Variants in CEP250 observed in about 807,000 individuals in gnomAD.
The protein encoded by CEP250 is centrosome-associated protein CEP250.
CEP250 carries 242 observed loss-of-function variants against 315.7 expected under a neutral mutation model. The ratio of observed to expected loss-of-function variants is 0.77; its 90% confidence interval spans 0.69 to 0.85. The LOEUF is 0.85. Ranked by LOEUF, CEP250 falls within the 40% of genes least tolerant of loss-of-function variation. The probability of loss-of-function intolerance (pLI) is 0.00; values close to 1 mark genes in which losing one functional copy is unlikely to be tolerated. For synonymous variants in CEP250, 1,088 were observed against 1,175.0 expected (o/e 0.93, Z 1.51); for missense variants, 2,515 against 2,886.4 (o/e 0.87, Z 2.95).
intron 2 of CEP250, among the ~76,000 whole-genome samples, chr20:35,459,626 GA>G (rs58153317): frequency 0.15 from 21,052 of 137,026 alleles, 1,974 homozygotes; most frequent in African/African-American, 0.29. Flanking sequence ...CTCTACCAAA[GA>G]AAAAAAAAAA....
At chr20:35,468,396 AC>A (rs2062943432) in intron 9 of CEP250, among the ~76,000 whole-genome samples, 1 of 151,972 alleles carries the variant, frequency 6.6e-6, no homozygotes, top group African/African-American at 2.4e-5. Context: ...AGGCTGTTTT[AC>A]TTTTTGGATT....
intron 20 of CEP250, among the ~76,000 whole-genome samples, chr20:35,490,216 G>A (rs1361179190): frequency 6.6e-6 from 1 of 152,090 alleles, no homozygotes; most frequent in South Asian, 2.1e-4. Flanking sequence ...GGGAGGCTGA[G>A]ACAGGAGAAT....
chr20:35,496,215 C>T (rs143871275), intron 24 of CEP250, among the ~76,000 whole-genome samples: 3,393 of 152,024 alleles, frequency 0.022, 143 homozygotes, highest in African/African-American at 0.077. Flanking sequence ...CGCATGCCTG[C>T]AATCCCAGCT....
intron 21 of CEP250, 55 bp downstream of exon 21, chr20:35,490,859 G>T: frequency 5.1e-6 from 8 of 1,581,270 alleles, no homozygotes; most frequent in South Asian, 1.1e-5. Flanking sequence ...TCCTTACCTT[G>T]ACCACTTCCT....
At chr20:35,461,363 A>G (rs2146661901) in intron 3 of CEP250, among the ~76,000 whole-genome samples, 1 of 151,178 alleles carries the variant, frequency 6.6e-6, no homozygotes, top group African/African-American at 2.4e-5. Flanking sequence ...CACAGAGCCC[A>G]TTGGAGGCAG....
At chr20:35,477,263 G>A (rs148847980) in intron 16 of CEP250, among the ~76,000 whole-genome samples, 2,445 of 152,264 alleles carry the variant, frequency 0.016, 28 homozygotes, top group Middle Eastern at 0.058. Context: ...ACCTGCCTCA[G>A]CCTCCCAAAG....
At chr20:35,499,943 C>A (rs1007281430) in intron 27 of CEP250, 106 bp from the exon 28 acceptor site, 53 of 1,446,208 alleles carry the variant, frequency 3.7e-5, no homozygotes, top group Non-Finnish European at 4.7e-5. Flanking sequence ...AGTAGGTCCA[C>A]AATGGCGGCC....
At chr20:35,463,339 G>T (rs1348969672) in intron 4 of CEP250, among the ~76,000 whole-genome samples, 1 of 152,196 alleles carries the variant, frequency 6.6e-6, no homozygotes, top group Non-Finnish European at 1.5e-5. Context: ...GGAAGCGGAG[G>T]TTGCAGTGAG....
intron 22 of CEP250, 99 bp from the exon 23 acceptor site, chr20:35,493,330 A>G: frequency 8.8e-7 from 1 of 1,133,520 alleles, no homozygotes; most frequent in Non-Finnish European, 1.2e-6. Context: ...AACAATGTGG[A>G]TTGCTGGCTC....
At chr20:35,479,490 G>T in intron 18 of CEP250, 66 bp downstream of exon 18, 1 of 1,558,944 alleles carries the variant, frequency 6.4e-7, no homozygotes, top group Non-Finnish European at 8.7e-7. Context: ...GTGAAGCTAA[G>T]CTCCCTGCCA....
Position 35,508,957 on chromosome 20 carries a change from G to A in CEP250, c.6921G>A (p.Arg2307=), listed in dbSNP as rs1423568500. The A allele has an allele frequency of 6.4e-7, 1 of 1,554,670 alleles. No individual in the cohort carries two copies. The highest frequency in any genetic ancestry group is 1.9e-5 in the Admixed American group (1 of 51,390). The change falls in exon 33 of 35, where the codon CGG becomes CGA. Residue 2307 remains arginine (R), a synonymous_variant. Coordinates refer to ENST00000397527, the MANE Select transcript of CEP250 (RefSeq NM_007186.6). ...CACCTTGGCAGGTGGAGCGAGAACGGAGGAAGCTGAAGAGGGAGGCCATGC... is the reference window on the plus strand; with the variant it reads ...CACCTTGGCAGGTGGAGCGAGAACGAAGGAAGCTGAAGAGGGAGGCCATGC... ...RSTLEQVERE[R]RKLKREAMRA...
intron 20 of CEP250, among the ~76,000 whole-genome samples, chr20:35,486,060 G>A (rs1423367017): frequency 7.0e-6 from 1 of 142,356 alleles, no homozygotes; most frequent in African/African-American, 2.7e-5. Context: ...TTGAGACACA[G>A]TCTTGCTCTG....
rs775074728 is a variant in CEP250 at position 35,493,445 on chromosome 20, T to C, written c.2906T>C (p.Leu969Pro). Residue 969 changes from leucine (L) to proline (P), a missense_variant, in exon 23 of 35, where the codon CTA becomes CCA. Physicochemically the swap from Leu to Pro is moderately conservative, Grantham distance 98 (BLOSUM62 -3). Transcript: ENST00000397527. ...KLKEQETTGI[L>P]QTQLQEAQRE... ...CCTCTTCAGGAGACCACTGGGATAC[T>C]ACAGACCCAGCTCCAGGAGGCTCAA... The C allele has an allele frequency of 1.9e-6, 3 of 1,607,108 alleles. No individual in the cohort carries two copies. The African/African-American group carries it at 4.0e-5, about 22-fold the overall frequency.
chr20:35,465,712 GGTAA>G (rs745358112), intron 5 of CEP250, 27 bp from the exon 6 acceptor site: 12 of 1,520,258 alleles, frequency 7.9e-6, no homozygotes, highest in Non-Finnish European at 1.1e-5. Flanking sequence ...TCTCTTTGGA[GGTAA>G]GTAAGGCTTG....
At chr20:35,465,536 C>T (rs115528535) in intron 5 of CEP250, among the ~76,000 whole-genome samples, 2,168 of 152,026 alleles carry the variant, frequency 0.014, 39 homozygotes, top group African/African-American at 0.049. Flanking sequence ...GTTGAAGATT[C>T]TATTTACTAC....
intron 3 of CEP250, among the ~76,000 whole-genome samples, chr20:35,460,514 T>G (rs1219393161): frequency 6.6e-6 from 1 of 152,210 alleles, no homozygotes; most frequent in East Asian, 1.9e-4. Flanking sequence ...TATACAACTG[T>G]GCAGAGCACA....
chr20:35,495,637 G>A (rs1048379391), intron 24 of CEP250, among the ~76,000 whole-genome samples: 4 of 152,218 alleles, frequency 2.6e-5, no homozygotes, highest in African/African-American at 9.7e-5. Flanking sequence ...TGTAATGCCA[G>A]CTACTTGGAA....
At position 35,503,077 on chromosome 20, in the gene CEP250, G is replaced by T; in HGVS notation, c.4708G>T (p.Glu1570Ter). The change falls in exon 30 of 35, where the codon GAG (glutamate) becomes TAG (stop). Residue 1570 changes from glutamate to a stop codon, truncating the protein, a stop_gained. Coordinates refer to ENST00000397527, the MANE Select transcript of CEP250 (RefSeq NM_007186.6). LOFTEE classifies it high-confidence loss of function. This position sits in a 1 kb window ranked among gnomAD's most constrained non-coding sequence, Gnocchi z 4.2. ...LELEENHHKM[E>*]CQQKLIKELE... ...ACTGGAGGAAAACCATCACAAGATG[G>T]AGTGCCAGCAAAAACTGATCAAGGA... 6.2e-7 allele frequency: 1 copy of T among 1,614,164 alleles called. No homozygotes were observed. The highest frequency in any genetic ancestry group is 8.5e-7 in the Non-Finnish European group (1 of 1,180,036).
intron 1 of CEP250, among the ~76,000 whole-genome samples, chr20:35,456,844 G>A (rs141468541): frequency 6.3e-4 from 94 of 150,384 alleles, no homozygotes; most frequent in African/African-American, 2.3e-3. Flanking sequence ...GCAGTGGTGC[G>A]ATCTGGGTTC....
Sources: allele counts gnomAD v4.1 joint callset (sites outside exome capture counted in the v4.1 genomes callset), GRCh38; gene constraint gnomAD v4.1.1; non-coding constraint Gnocchi (gnomAD v3.1); transcripts MANE v1.5; gene names NCBI Gene and HGNC (gene_info 2026-07-23, HGNC 2026-07-21).